Variants in SYTL2 observed in about 807,000 individuals in gnomAD.
SYTL2 encodes the protein synaptotagmin-like protein 2.
SYTL2 carries 165 observed loss-of-function variants against 198.7 expected under a neutral mutation model. The observed-to-expected ratio is 0.83, with a 90% CI of 0.73 to 0.94. The LOEUF (loss-of-function observed/expected upper bound fraction) is 0.94. SYTL2 is among the 40% of genes least tolerant of loss of function. The pLI is 0.00. For synonymous variants in SYTL2, 966 were observed against 917.7 expected (o/e 1.05, Z -0.95); for missense variants, 2,835 against 2,582.8 (o/e 1.10, Z -2.12).
At chr11:85,824,232 T>A in the SYTL2 span, among the ~76,000 whole-genome samples, 19 of 151,938 alleles carry the variant, frequency 1.3e-4, no homozygotes, top group East Asian at 2.7e-3. Context: ...ATTGGAGAGG[T>A]TAGGATCAGA....
At chr11:85,765,419 T>C (rs1043123863) in intron 1 of SYTL2, among the ~76,000 whole-genome samples, 2 of 152,176 alleles carry the variant, frequency 1.3e-5, no homozygotes, top group Non-Finnish European at 2.9e-5. Flanking sequence ...GTGTGTTTAG[T>C]AGAGACGGGG....
intron 1 of SYTL2, among the ~76,000 whole-genome samples, chr11:85,796,573 T>C (rs985557619): frequency 2.0e-5 from 3 of 152,170 alleles, no homozygotes; most frequent in Admixed American, 6.6e-5. Context: ...GATCTTACAG[T>C]GGGCAATCAA....
At chr11:85,800,303 T>C (rs1592074360) in intron 1 of SYTL2, among the ~76,000 whole-genome samples, 1 of 152,196 alleles carries the variant, frequency 6.6e-6, no homozygotes, top group South Asian at 2.1e-4. Context: ...AAGAGTTTCC[T>C]GGGTTTCTGC....
chr11:85,727,121 G>A lies in SYTL2; in HGVS notation c.2237C>T (p.Ser746Phe), dbSNP rs1309991146. 3 of 1,535,844 alleles carry A rather than the reference G, an allele frequency of 2.0e-6. No homozygotes were observed. Among genetic ancestry groups the A allele is most frequent in the African/African-American group, 1.4e-5 (1 of 73,086 alleles). The stretch of plus-strand genomic sequence containing the variant: ...TGACTTAATATTCTCTGGCTCTAAG[G>A]AGGCTTTCAGGATATAGGTATTTCC... Reference protein sequence around the residue: ...KVGNTYILKASLEPENIKSTP... With the variant: ...KVGNTYILKAFLEPENIKSTP... The change falls in exon 8 of 20, where the codon TCC becomes TTC. Residue 746 changes from serine (S) to phenylalanine (F), a missense_variant. Physicochemically the swap from Ser to Phe is radical, Grantham distance 155. Around this residue, in one of 3 missense-constraint regions of SYTL2, gnomAD observed 2,645 missense variants for 2,381.7 expected, o/e 1.11. Transcript: ENST00000359152.
At chr11:85,825,146 T>G in the SYTL2 span, among the ~76,000 whole-genome samples, 1 of 152,162 alleles carries the variant, frequency 6.6e-6, no homozygotes, top group Non-Finnish European at 1.5e-5. Context: ...GACCATGAGT[T>G]GGGAGGCCGA....
Position 85,726,757 on chromosome 11 carries a change from C to T in SYTL2, c.2601G>A (p.Gln867=). The stretch of plus-strand genomic sequence containing the variant: ...TATTTGAGGAATAAGAATTGGAGAG[C>T]TGGGATGCTTGATCATCCTCATCTA... The part of the protein sequence containing the change: ...VVLDEDDQAS[Q]LSNSYSSNKS... Residue 867 remains glutamine, a synonymous_variant, in exon 8 of 20, where the codon CAG becomes CAA. Transcript: ENST00000359152. 2 of 1,536,124 alleles carry T rather than the reference C, an allele frequency of 1.3e-6. No individual in the cohort carries two copies. Among genetic ancestry groups the T allele is most frequent in the Non-Finnish European group, 1.7e-6 (2 of 1,146,896 alleles).
the SYTL2 span, among the ~76,000 whole-genome samples, chr11:85,833,789 A>G: frequency 1.5e-5 from 2 of 129,826 alleles, no homozygotes; most frequent in African/African-American, 6.0e-5. Flanking sequence ...GTAGTGTTGT[A>G]GTGTAGTGGT....
At chr11:85,838,822 T>A in the SYTL2 span, among the ~76,000 whole-genome samples, 1 of 152,202 alleles carries the variant, frequency 6.6e-6, no homozygotes, top group Admixed American at 6.5e-5. Context: ...ACATATATAA[T>A]AGTCATATGA....
At chr11:85,762,203 C>T (rs1283761466) in intron 1 of SYTL2, among the ~76,000 whole-genome samples, 2 of 152,180 alleles carry the variant, frequency 1.3e-5, no homozygotes, top group African/African-American at 2.4e-5. Context: ...CCGACCCAGA[C>T]CCGGCAGTCA....
chr11:85,761,499 T>C (rs998120891), intron 1 of SYTL2, among the ~76,000 whole-genome samples: 20 of 152,192 alleles, frequency 1.3e-4, no homozygotes, highest in Non-Finnish European at 2.6e-4. Flanking sequence ...CGGGTAAGAC[T>C]GTATTAGGCC....
chr11:85,746,594 A>G (rs979614409), intron 3 of SYTL2, among the ~76,000 whole-genome samples: 4 of 152,214 alleles, frequency 2.6e-5, no homozygotes, highest in Admixed American at 6.5e-5. Flanking sequence ...ACTTTCATCA[A>G]TATTAGGATG....
In SYTL2 at chr11:85,748,058, C is replaced by T. The variant is rs79204954; in HGVS notation, c.253+214G>A. Among the ~76,000 whole-genome samples, 440 of 152,246 alleles carry T rather than the reference C, an allele frequency of 2.9e-3. 3 individuals carry two copies. Among genetic ancestry groups the T allele is most frequent in the African/African-American group, 0.01 (426 of 41,540 alleles). ...ATAATTCAACAGGGCACCTAAAGGG[C>T]TTCCTATGTTCCTCTACACCACACT... On this transcript the variant is annotated intron_variant, in intron 3 of 19. Coordinates refer to ENST00000359152, the MANE Select transcript of SYTL2 (RefSeq NM_206927.4).
intron 1 of SYTL2, among the ~76,000 whole-genome samples, chr11:85,782,232 T>G (rs562683579): frequency 6.6e-6 from 1 of 152,362 alleles, no homozygotes; most frequent in East Asian, 1.9e-4. Context: ...GCTTGGGGCT[T>G]ACAACCTCTG....
intron 14 of SYTL2, among the ~76,000 whole-genome samples, chr11:85,708,492 G>A (rs1027814240): frequency 1.3e-4 from 20 of 152,112 alleles, no homozygotes; most frequent in African/African-American, 4.3e-4. Flanking sequence ...AAACTGAAGT[G>A]CAATTAAACC....
At chr11:85,810,700 C>T (rs2093020472) in intron 1 of SYTL2, among the ~76,000 whole-genome samples, 1 of 152,204 alleles carries the variant, frequency 6.6e-6, no homozygotes, top group Non-Finnish European at 1.5e-5. Context: ...AGAACCCTCG[C>T]CTACCCGGGC....
chr11:85,800,381 T>C (rs542117916), intron 1 of SYTL2, among the ~76,000 whole-genome samples: 2 of 152,286 alleles, frequency 1.3e-5, no homozygotes, highest in African/African-American at 4.8e-5. Flanking sequence ...GCTCAAGTGA[T>C]CCTCCCACTT....
Position 85,726,952 on chromosome 11 carries a change from C to T in SYTL2, c.2406G>A (p.Glu802=). The change falls in exon 8 of 20, where the codon GAG becomes GAA. Residue 802 remains glutamate (E), a synonymous_variant. Transcript: ENST00000359152. ...VSDRISFWEG[E]KAGAKITHEK... is the part of the protein sequence containing the mutation. ...CATGAGTTATCTTAGCACCAGCTTT[C>T]TCTCCTTCCCAAAAGGATATTCTGT... 2.6e-6 allele frequency: 4 copies of T among 1,536,624 alleles called. No homozygotes were observed. The highest frequency in any genetic ancestry group is 3.5e-6 in the Non-Finnish European group (4 of 1,146,992).
chr11:85,720,005 A>G (rs2088044255), intron 9 of SYTL2, among the ~76,000 whole-genome samples: 1 of 152,234 alleles, frequency 6.6e-6, no homozygotes, highest in Non-Finnish European at 1.5e-5. Flanking sequence ...GCTTGAAAAT[A>G]GCAAGAACAA....
At chr11:85,755,444 A>G (rs764633294) in intron 2 of SYTL2, among the ~76,000 whole-genome samples, 4 of 152,144 alleles carry the variant, frequency 2.6e-5, no homozygotes, top group Non-Finnish European at 4.4e-5. Flanking sequence ...TCTTCCTGCC[A>G]TTTAGTCACA....
Sources: allele counts gnomAD v4.1 joint callset (sites outside exome capture counted in the v4.1 genomes callset), GRCh38; gene constraint gnomAD v4.1.1; regional missense constraint gnomAD v4.1.1; transcripts MANE v1.5; gene names NCBI Gene and HGNC (gene_info 2026-07-23, HGNC 2026-07-21).